C22orf39: variants seen among roughly 807,000 people sequenced by gnomAD.
C22orf39 encodes synaptic plasticity regulator PANTS.
C22orf39 carries 20 observed loss-of-function variants against 18.3 expected under a neutral mutation model. The ratio of observed to expected loss-of-function variants is 1.09; its 90% CI spans 0.77 to 1.59. C22orf39 has a LOEUF of 1.59. Ranked by LOEUF, C22orf39 falls within the 40% of genes most tolerant of loss-of-function variation. The pLI, the probability that C22orf39 is intolerant of heterozygous loss-of-function variation, is 0.00. For missense variants in C22orf39, 195 were observed against 156.1 expected (o/e 1.25, Z -1.33); for synonymous variants, 63 against 59.6 (o/e 1.06, Z -0.26).
In C22orf39 at chr22:19,443,097, ACTGTT is replaced by A; in HGVS notation, c.*1163_*1167del. 6 of 177,086 alleles carry A rather than the reference ACTGTT, an allele frequency of 3.4e-5. No individual in the cohort carries two copies. The highest frequency in any genetic ancestry group is 4.1e-5 in the Non-Finnish European group (6 of 145,668). The allele number at this position is 177,086 out of a possible 1,614,324, so 11.0% of individuals were successfully genotyped here. Reference sequence around the variant, plus strand: ...GAGCACAACCCCCACCCCCACCCCCACTGTTCACAGACACAGGGGCTCTTAGGGAG... The same window carrying A: ...GAGCACAACCCCCACCCCCACCCCCACACAGACACAGGGGCTCTTAGGGAG... On this transcript the variant is annotated 3_prime_UTR_variant, in exon 3 of 3. Transcript: ENST00000399562.
At position 19,441,972 on chromosome 22, in the gene C22orf39, G is replaced by T; in HGVS notation, c.*2293C>A. Reference sequence around the variant, plus strand: ...ACCATGCATAGCTCATTTATTTTTTGTAGAGATGGGGTCTTGTTACGTTGC... The same window carrying T: ...ACCATGCATAGCTCATTTATTTTTTTTAGAGATGGGGTCTTGTTACGTTGC... On this transcript the variant is annotated 3_prime_UTR_variant, in exon 3 of 3. Transcript: ENST00000399562. 3.6e-5 allele frequency: 10 copies of T among 274,392 alleles called. No individual in the cohort carries two copies. Among genetic ancestry groups the T allele is most frequent in the South Asian group, 2.2e-4 (3 of 13,742 alleles). The allele number at this position is 274,392 out of a possible 1,614,324, so 17.0% of individuals were successfully genotyped here. A position where few individuals can be genotyped will look rare whatever the true frequency, so the allele number is the denominator to read the frequency against.
intron 2 of C22orf39, 76 bp from the exon 3 acceptor site, chr22:19,444,466 C>T: frequency 6.7e-7 from 1 of 1,484,802 alleles, no homozygotes; most frequent in Non-Finnish European, 9.0e-7. Flanking sequence ...CCTCTCATCA[C>T]CCTCTGAAAC....
Position 19,441,511 on chromosome 22 carries a change from CAAAACATTTATTTTTATTTTT to C in C22orf39, c.*2733_*2753del. 1.2e-5 allele frequency: 7 copies of C among 594,942 alleles called. No homozygotes were observed. In the South Asian group the frequency reaches 1.5e-4, roughly 12 times the overall value. The allele number at this position is 594,942 out of a possible 1,614,324, so 36.9% of individuals were successfully genotyped here. A position where few individuals can be genotyped will look rare whatever the true frequency, so the allele number is the denominator to read the frequency against. Reference sequence around the variant, plus strand: ...CTTATTATTAATATGGGGTTTTATCCAAAACATTTATTTTTATTTTTAAAACATTTATTTAGAGATGGGGTC... The same window carrying C: ...CTTATTATTAATATGGGGTTTTATCCAAAACATTTATTTAGAGATGGGGTC... On this transcript the variant is annotated 3_prime_UTR_variant, in exon 3 of 3. Coordinates refer to ENST00000399562, the MANE Select transcript of C22orf39 (RefSeq NM_173793.5).
At position 19,443,611 on chromosome 22, in the gene C22orf39, C is replaced by T; in HGVS notation, c.*654G>A. On this transcript the variant is annotated 3_prime_UTR_variant, in exon 3 of 3. Coordinates refer to ENST00000399562, the MANE Select transcript of C22orf39 (RefSeq NM_173793.5). ...GGATTTCTTCAGCTGAGTCCACAAA[C>T]CCTCTTTATGCAAGGTTGTGTGTTC... The T allele has an allele frequency of 1.0e-6, 1 of 985,444 alleles. No individual in the cohort carries two copies. Among genetic ancestry groups the T allele is most frequent in the Non-Finnish European group, 1.2e-6 (1 of 829,874 alleles). The allele number at this position is 985,444 out of a possible 1,614,324, so 61.0% of individuals were successfully genotyped here. A position where few individuals can be genotyped will look rare whatever the true frequency, so the allele number is the denominator to read the frequency against.
At chr22:19,446,512 G>C (rs1349670615) in intron 2 of C22orf39, among the ~76,000 whole-genome samples, 3 of 152,142 alleles carry the variant, frequency 2.0e-5, no homozygotes, top group Non-Finnish European at 4.4e-5. Flanking sequence ...CCGTAGCACT[G>C]TATTCTACAC....
At chr22:19,446,002 G>A (rs1022675704) in intron 2 of C22orf39, among the ~76,000 whole-genome samples, 2 of 151,920 alleles carry the variant, frequency 1.3e-5, no homozygotes, top group Non-Finnish European at 2.9e-5. Context: ...TTTTTATAAA[G>A]ATGGAGTCTC....
rs1209991120 is a variant in C22orf39, at chr22:19,447,401, C to T, written c.169G>A (p.Glu57Lys). 3 of 1,505,136 alleles carry T rather than the reference C, an allele frequency of 2.0e-6. No homozygotes were observed. Among genetic ancestry groups the T allele is most frequent in the East Asian group, 2.7e-5 (1 of 37,188 alleles). The allele number at this position is 1,505,136 out of a possible 1,614,324, so 93.2% of individuals were successfully genotyped here. Residue 57 changes from glutamate (E) to lysine (K), a missense_variant, in exon 2 of 3, where the codon GAG becomes AAG. Coordinates refer to ENST00000399562, the MANE Select transcript of C22orf39 (RefSeq NM_173793.5). ...ACCTGGGCCTCGGCGTTCCGGCGCTCCTCCCAGTCGCGGCAGCTGGCCAGG... is the reference window on the plus strand; with the variant it reads ...ACCTGGGCCTCGGCGTTCCGGCGCTTCTCCCAGTCGCGGCAGCTGGCCAGG... ...RDLASCRDWE[E>K]RRNAEAQQSL...
In C22orf39 at chr22:19,443,134, A is replaced by G. The variant is rs113561719; in HGVS notation, c.*1131T>C. 773 of 979,504 alleles carry G rather than the reference A, an allele frequency of 7.9e-4. 5 individuals are homozygous for G. The African/African-American group carries it at 0.013, about 17-fold the overall frequency. 60.7% of individuals were successfully genotyped at this position (979,504 alleles called of 1,614,324 possible). On this transcript the variant is annotated 3_prime_UTR_variant, in exon 3 of 3. Transcript: ENST00000399562. ...CACAGGGGCTCTTAGGGAGCACAGG[A>G]GAAAACACACTCAAGCAGGGAAATA... is the stretch of plus-strand genomic sequence containing the variant.
In C22orf39 at chr22:19,442,760, G is replaced by A. The variant is rs1176758235; in HGVS notation, c.*1505C>T. On this transcript the variant is annotated 3_prime_UTR_variant, in exon 3 of 3. Transcript: ENST00000399562. ...ATTTTTGTATTTTTAATAGAGATGG[G>A]GGGTTTCAACCATGTTGGCCAGGCT... is the stretch of plus-strand genomic sequence containing the variant. The A allele has an allele frequency of 6.6e-6, 1 of 152,090 alleles. No individual in the cohort carries two copies. The highest frequency in any genetic ancestry group is 1.9e-4 in the East Asian group (1 of 5,184). The allele number at this position is 152,090 out of a possible 1,614,324, so 9.4% of individuals were successfully genotyped here.
At chr22:19,447,214 G>C (rs1195997662) in intron 2 of C22orf39, among the ~76,000 whole-genome samples, 164 bp downstream of exon 2, 1 of 152,174 alleles carries the variant, frequency 6.6e-6, no homozygotes, top group Non-Finnish European at 1.5e-5. Flanking sequence ...TGAAAGTCCT[G>C]TTGATATGCT....
chr22:19,444,029 C>T lies in C22orf39; in HGVS notation c.*236G>A. Reference sequence around the variant, plus strand: ...ACAAGTACCTGCCATAATGCTTGGCCTCCTGGAAGCTCTAAAGCGGTGCAA... The same window carrying T: ...ACAAGTACCTGCCATAATGCTTGGCTTCCTGGAAGCTCTAAAGCGGTGCAA... On this transcript the variant is annotated 3_prime_UTR_variant, in exon 3 of 3. Transcript: ENST00000399562. 7.9e-7 allele frequency: 1 copy of T among 1,262,492 alleles called. No individual in the cohort carries two copies. Among genetic ancestry groups the T allele is most frequent in the Non-Finnish European group, 9.9e-7 (1 of 1,006,262 alleles). The allele number at this position is 1,262,492 out of a possible 1,614,324, so 78.2% of individuals were successfully genotyped here.
intron 2 of C22orf39, among the ~76,000 whole-genome samples, chr22:19,445,689 TC>T (rs2089635775): frequency 6.6e-6 from 1 of 152,148 alleles, no homozygotes; most frequent in Non-Finnish European, 1.5e-5. Context: ...TCTTTTTTTT[TC>T]TTGAGAGGGA....
Position 19,443,860 on chromosome 22 carries a change from A to G in C22orf39, c.*405T>C. On this transcript the variant is annotated 3_prime_UTR_variant, in exon 3 of 3. Transcript: ENST00000399562. ...TTCCCAAGGACTAGGAAAGACATTC[A>G]CAGTGGCACAACTGTTTAGCTACCT... 1 of 990,284 alleles carries G rather than the reference A, an allele frequency of 1.0e-6. No individual in the cohort carries two copies. Among genetic ancestry groups the G allele is most frequent in the Non-Finnish European group, 1.2e-6 (1 of 833,702 alleles). The allele number at this position is 990,284 out of a possible 1,614,324, so 61.3% of individuals were successfully genotyped here.
At position 19,447,514 on chromosome 22, in the gene C22orf39, T is replaced by C. The variant is rs1377131550; in HGVS notation, c.56A>G (p.Glu19Gly). 29 of 1,489,662 alleles carry C rather than the reference T, an allele frequency of 1.9e-5. No homozygotes were observed. Among genetic ancestry groups the C allele is most frequent in the Non-Finnish European group, 2.5e-5 (28 of 1,125,330 alleles). The allele number at this position is 1,489,662 out of a possible 1,614,324, so 92.3% of individuals were successfully genotyped here. ...CCTGGCGCTGCGGCAGAGCTTCCAC[T>C]CGGCGCGGTAGGCCTCGCAGGGGCG... is the stretch of plus-strand genomic sequence containing the variant. Reference protein sequence around the residue: ...PPRPCEAYRAEWKLCRSARHF... With the variant: ...PPRPCEAYRAGWKLCRSARHF... Residue 19 changes from glutamate (E) to glycine (G), a missense_variant, in exon 2 of 3, where the codon GAG becomes GGG. Coordinates refer to ENST00000399562, the MANE Select transcript of C22orf39 (RefSeq NM_173793.5).
rs1233683433 is a variant in C22orf39 at position 19,443,388 on chromosome 22, A to G, written c.*877T>C. On this transcript the variant is annotated 3_prime_UTR_variant, in exon 3 of 3. Coordinates refer to ENST00000399562, the MANE Select transcript of C22orf39 (RefSeq NM_173793.5). ...AAATAGTGTTTTTGGTGGTTCATAC[A>G]TTTTAAAACACTTAACAAGAGAATA... 1.0e-6 allele frequency: 1 copy of G among 985,632 alleles called. No individual in the cohort carries two copies. Among genetic ancestry groups the G allele is most frequent in the Non-Finnish European group, 1.2e-6 (1 of 829,914 alleles). 61.1% of individuals were successfully genotyped at this position (985,632 alleles called of 1,614,324 possible).
Position 19,444,339 on chromosome 22 carries a change from T to G in C22orf39, c.244A>C (p.Ile82Leu), listed in dbSNP as rs767953102. The change falls in exon 3 of 3, where the codon ATC (isoleucine) becomes CTC (leucine). Residue 82 changes from isoleucine to leucine, a missense_variant. Transcript: ENST00000399562. ...RARVRAARKH[I>L]LVWAPRQSPP... ...CTCTGCCTCGGGGCCCACACCAGGATGTGCTTCCGTGCAGCCCGGACTCGT... is the reference window on the plus strand; with the variant it reads ...CTCTGCCTCGGGGCCCACACCAGGAGGTGCTTCCGTGCAGCCCGGACTCGT... The G allele has an allele frequency of 6.2e-7, 1 of 1,600,176 alleles. No individual in the cohort carries two copies. Among genetic ancestry groups the G allele is most frequent in the South Asian group, 1.1e-5 (1 of 89,196 alleles).
At chr22:19,446,068 C>T (rs909972326) in intron 2 of C22orf39, among the ~76,000 whole-genome samples, 5 of 152,176 alleles carry the variant, frequency 3.3e-5, no homozygotes, top group East Asian at 1.9e-4. Flanking sequence ...CCCCTTGCCT[C>T]GGCCTCCCAA....
chr22:19,447,614 C>T, intron 1 of C22orf39, 51 bp downstream of exon 1: 1 of 1,596,534 alleles, frequency 6.3e-7, no homozygotes, highest in South Asian at 1.1e-5. Flanking sequence ...AGTCCCGTTC[C>T]CTCCCTCCGG....
intron 2 of C22orf39, 60 bp from the exon 3 acceptor site, chr22:19,444,450 C>T (rs2089629943): frequency 1.3e-6 from 2 of 1,535,596 alleles, no homozygotes; most frequent in African/African-American, 2.8e-5. Context: ...ACCCCTGTAC[C>T]TCCCCCCTCT....
Sources: allele counts gnomAD v4.1 joint callset (sites outside exome capture counted in the v4.1 genomes callset), GRCh38; gene constraint gnomAD v4.1.1; transcripts MANE v1.5; gene names NCBI Gene and HGNC (gene_info 2026-07-23, HGNC 2026-07-21).